Variants in DPYD observed in about 807,000 individuals in gnomAD.
DPYD encodes dihydropyrimidine dehydrogenase.
Under a neutral mutation model 116.2 loss-of-function variants are expected in DPYD, and 109 were observed. The ratio of observed to expected loss-of-function variants is 0.94; its 90% CI spans 0.80 to 1.10. DPYD has a LOEUF of 1.10. Among genes scored for constraint, DPYD ranks in the 50% least tolerant of loss-of-function variants. DPYD has a pLI of 0.00. For synonymous variants in DPYD, 440 were observed against 432.0 expected (o/e 1.02, Z -0.23); for missense variants, 1,302 against 1,254.5 (o/e 1.04, Z -0.57).
At position 97,656,418 on chromosome 1, in the gene DPYD, A is replaced by G. The variant is rs115901171; in HGVS notation, c.850+22677T>C. On this transcript the variant is annotated intron_variant, in intron 8 of 22. Coordinates refer to ENST00000370192, the MANE Select transcript of DPYD (RefSeq NM_000110.4). ...TTAATACACTCTTCATAAATTCCCT[A>G]TTTTTTGGCCTTGTCTTCACTCTTA... is the stretch of plus-strand genomic sequence containing the variant. Among the ~76,000 whole-genome samples the G allele has an allele frequency of 3.5e-3, 537 of 152,106 alleles. 7 individuals are homozygous for G. Among genetic ancestry groups the G allele is most frequent in the African/African-American group, 0.012 (516 of 41,510 alleles).
At chr1:97,420,183 T>A (rs973127816) in intron 14 of DPYD, 1 of 152,002 alleles carries the variant, frequency 6.6e-6, no homozygotes, top group Non-Finnish European at 1.5e-5. Context: ...GGCCTCCCCC[T>A]CCTCAGTCTC....
At chr1:97,550,246 C>A (rs1368709169) in intron 11 of DPYD, among the ~76,000 whole-genome samples, 1 of 151,748 alleles carries the variant, frequency 6.6e-6, no homozygotes. Context: ...ATAACATTTT[C>A]ATTAAATTAT....
At chr1:97,573,285 A>G (rs913669313) in intron 11 of DPYD, among the ~76,000 whole-genome samples, 15 of 152,092 alleles carry the variant, frequency 9.9e-5, no homozygotes, top group African/African-American at 3.6e-4. Context: ...TGAAAATGAC[A>G]GACATTTAAA....
At chr1:97,863,182 T>C (rs540845384) in intron 2 of DPYD, among the ~76,000 whole-genome samples, 11 of 151,918 alleles carry the variant, frequency 7.2e-5, no homozygotes, top group Non-Finnish European at 1.3e-4. Context: ...GAACATGACC[T>C]AGGCCACAGA....
intron 18 of DPYD, among the ~76,000 whole-genome samples, chr1:97,261,423 C>T (rs142487018): frequency 6.7e-6 from 1 of 150,112 alleles, no homozygotes. Context: ...AATTAAGTAT[C>T]AAGTGACACT....
chr1:97,919,944 T>A (rs954947861), intron 1 of DPYD, among the ~76,000 whole-genome samples: 1 of 152,182 alleles, frequency 6.6e-6, no homozygotes. Flanking sequence ...TGCAAAACTT[T>A]TACTTAAGCC....
chr1:97,514,066 T>C (rs766045837), intron 13 of DPYD: 3 of 457,160 alleles, frequency 6.6e-6, no homozygotes, highest in Non-Finnish European at 8.6e-6. Flanking sequence ...ACATTTCATG[T>C]GCCAAATTTA....
At chr1:97,838,722 G>A (rs1392686423) in intron 2 of DPYD, among the ~76,000 whole-genome samples, 2 of 152,144 alleles carry the variant, frequency 1.3e-5, no homozygotes, top group African/African-American at 4.8e-5. Context: ...GCGGGCGCCT[G>A]TAGTCCCAGG....
intron 5 of DPYD, among the ~76,000 whole-genome samples, chr1:97,705,146 T>C (rs946616736): frequency 4.6e-5 from 7 of 151,876 alleles, no homozygotes; most frequent in African/African-American, 7.3e-5. Context: ...TTTTTTTAAA[T>C]TATACTTTAA....
chr1:97,187,108 G>A (rs1328068390), intron 20 of DPYD, among the ~76,000 whole-genome samples: 1 of 152,094 alleles, frequency 6.6e-6, no homozygotes, highest in Non-Finnish European at 1.5e-5. Flanking sequence ...TAGGATTGCT[G>A]AGGTGAATGG....
At chr1:97,264,209 C>A (rs549414657) in intron 18 of DPYD, among the ~76,000 whole-genome samples, 1 of 98,262 alleles carries the variant, frequency 1.0e-5, no homozygotes, top group Non-Finnish European at 1.9e-5. Context: ...AAGTCTTACT[C>A]TGTTGCCCAG....
intron 4 of DPYD, among the ~76,000 whole-genome samples, chr1:97,739,102 T>A (rs1664121434): frequency 6.6e-6 from 1 of 152,096 alleles, no homozygotes; most frequent in Non-Finnish European, 1.5e-5. Flanking sequence ...GAAAATACTT[T>A]AGACTTCAAT....
At chr1:97,580,650 G>A (rs968008627) in intron 10 of DPYD, among the ~76,000 whole-genome samples, 4 of 152,086 alleles carry the variant, frequency 2.6e-5, no homozygotes, top group Admixed American at 2.6e-4. Flanking sequence ...GTGCTTTTTT[G>A]TAAAATCCAG....
chr1:97,339,131 A>G (rs1174661618), intron 16 of DPYD, among the ~76,000 whole-genome samples: 4 of 152,186 alleles, frequency 2.6e-5, no homozygotes, highest in Non-Finnish European at 5.9e-5. Flanking sequence ...ACCAAAATAA[A>G]GGGACAAAGA....
chr1:97,223,046 G>A (rs1369125408), intron 19 of DPYD, among the ~76,000 whole-genome samples: 1 of 152,088 alleles, frequency 6.6e-6, no homozygotes, highest in South Asian at 2.1e-4. Context: ...AAGCAATGAA[G>A]CCTCTGTGTA....
At chr1:97,351,399 G>T (rs982131237) in intron 16 of DPYD, among the ~76,000 whole-genome samples, 3 of 151,940 alleles carry the variant, frequency 2.0e-5, no homozygotes, top group Non-Finnish European at 4.4e-5. Context: ...GATATTAAAA[G>T]AACCAATGTT....
intron 19 of DPYD, among the ~76,000 whole-genome samples, chr1:97,216,841 A>G (rs1314601497): frequency 6.6e-6 from 1 of 152,104 alleles, no homozygotes; most frequent in East Asian, 1.9e-4. Flanking sequence ...CAGATTTCCA[A>G]TTGAGTAAAT....
chr1:97,290,132 G>A lies in DPYD; in HGVS notation c.2299+15127C>T, dbSNP rs971474868. On this transcript the variant is annotated intron_variant, in intron 18 of 22. Transcript: ENST00000370192. ...AAATACCTAGGGACCCAACTTACAA[G>A]GGACGTGAAGGACCTCTTCAAGGAG... Among the ~76,000 whole-genome samples, 3 of 152,050 alleles carry A rather than the reference G, an allele frequency of 2.0e-5. No individual in the cohort carries two copies. In the East Asian group the frequency reaches 5.8e-4, roughly 29 times the overall value.
At position 97,371,824 on chromosome 1, in the gene DPYD, T is replaced by C. The variant is rs531780587; in HGVS notation, c.2058+1737A>G. Reference sequence around the variant, plus strand: ...GAATTGGTTTCAGTTGTAGAGATTATAACTAATAAGTGAAATGGAAATGTT... The same window carrying C: ...GAATTGGTTTCAGTTGTAGAGATTACAACTAATAAGTGAAATGGAAATGTT... On this transcript the variant is annotated intron_variant, in intron 16 of 22. Coordinates refer to ENST00000370192, the MANE Select transcript of DPYD (RefSeq NM_000110.4). Among the ~76,000 whole-genome samples, 14 of 152,314 alleles carry C rather than the reference T, an allele frequency of 9.2e-5. No homozygotes were observed. In the South Asian group the frequency reaches 2.5e-3, roughly 27 times the overall value.
Sources: gnomAD v4.1 joint callset for allele counts (sites outside exome capture counted in the v4.1 genomes callset) on GRCh38, gnomAD v4.1.1 for gene constraint, MANE v1.5 for transcripts, NCBI Gene and HGNC (gene_info 2026-07-23, HGNC 2026-07-21) for gene names.